Variants in TLN2 observed in about 807,000 individuals in gnomAD.
TLN2 encodes the protein talin-2.
TLN2 carries 118 observed loss-of-function variants against 294.7 expected under a neutral mutation model. That is an observed-to-expected ratio of 0.40 (90% CI 0.34 to 0.47). The LOEUF is 0.47. TLN2 is among the 20% of genes least tolerant of loss of function. The probability of loss-of-function intolerance (pLI) is 0.84; values close to 1 mark genes in which losing one functional copy is unlikely to be tolerated. For missense variants in TLN2, 3,083 were observed against 3,282.2 expected (o/e 0.94, Z 1.48); for synonymous variants, 1,431 against 1,304.5 (o/e 1.10, Z -2.09).
At chr15:62,535,038 G>A (rs865830637) in intron 1 of TLN2, among the ~76,000 whole-genome samples, 1 of 152,160 alleles carries the variant, frequency 6.6e-6, no homozygotes, top group African/African-American at 2.4e-5. Flanking sequence ...TGCCTTATTT[G>A]CTGCTAGGTA....
chr15:62,520,044 C>G (rs2040381188), intron 1 of TLN2, among the ~76,000 whole-genome samples: 2 of 152,160 alleles, frequency 1.3e-5, no homozygotes, highest in Admixed American at 1.3e-4. Context: ...AGGGGTTTCC[C>G]CTTATAAAAC....
At chr15:62,647,210 G>GTT in intron 3 of TLN2, 65 bp from the exon 4 acceptor site, 21 of 1,276,604 alleles carry the variant, frequency 1.6e-5, no homozygotes, top group South Asian at 4.8e-5. Flanking sequence ...CACTTTTTTT[G>GTT]TTTTTTTTTC....
rs1187438184 is a variant in TLN2, at chr15:62,770,949, T to TC, written c.5197-15_5197-14insC. ...TACATGATACATCTCTGGCTTTTTTTTTTTTTTTTGAAAGGTGACACAACT... is the reference window on the plus strand; with the variant it reads ...TACATGATACATCTCTGGCTTTTTTTCTTTTTTTTTGAAAGGTGACACAACT... On this transcript the variant is annotated splice_polypyrimidine_tract_variant and intron_variant, in intron 41 of 58. Transcript: ENST00000636159. The TC allele has an allele frequency of 1.3e-6, 2 of 1,553,546 alleles. No individual in the cohort carries two copies.
chr15:62,620,304 C>A (rs2048683490), intron 3 of TLN2, among the ~76,000 whole-genome samples: 1 of 152,038 alleles, frequency 6.6e-6, no homozygotes, highest in African/African-American at 2.4e-5. Flanking sequence ...GTCTGGTGCA[C>A]CTTTCATTTT....
chr15:62,488,159 G>A (rs898320239), intron 1 of TLN2, among the ~76,000 whole-genome samples: 1 of 152,034 alleles, frequency 6.6e-6, no homozygotes, highest in African/African-American at 2.4e-5. Context: ...TAGAGAAAAT[G>A]GTACTTTGTA....
chr15:62,819,804 C>T (rs1366621039), intron 53 of TLN2, among the ~76,000 whole-genome samples, 183 bp downstream of exon 53: 3 of 152,242 alleles, frequency 2.0e-5, no homozygotes, highest in Non-Finnish European at 4.4e-5. Context: ...AACATCCTCC[C>T]TGAAGCAAGT....
rs7182971 is a variant in TLN2, at chr15:62,783,783, G to C, written c.5629G>C (p.Val1877Leu). Residue 1877 changes from valine (V) to leucine (L), a missense_variant, in exon 45 of 59, where the codon GTT becomes CTT. Val to Leu is a conservative substitution (Grantham distance 32, BLOSUM62 1). Coordinates refer to ENST00000636159, the MANE Select transcript of TLN2 (RefSeq NM_015059.3). Reference protein sequence around the residue: ...VTAQEMMTKSVTNPEELGGLA... With the variant: ...VTAQEMMTKSLTNPEELGGLA... The stretch of plus-strand genomic sequence containing the variant: ...TTTCTTTTTCCAGATGACTAAGTCG[G>C]TTACTAACCCGGAGGAGTTGGGAGG... 1 of 1,602,674 alleles carries C rather than the reference G, an allele frequency of 6.2e-7. No individual in the cohort carries two copies. Among genetic ancestry groups the C allele is most frequent in the Non-Finnish European group, 8.5e-7 (1 of 1,170,604 alleles).
At chr15:62,675,380 A>T in intron 11 of TLN2, 59 bp downstream of exon 11, 1 of 1,567,056 alleles carries the variant, frequency 6.4e-7, no homozygotes, top group South Asian at 1.1e-5. Flanking sequence ...TCTTTTGTTC[A>T]AGCGTTTGCT....
chr15:62,772,250 C>T (rs1433556047), intron 42 of TLN2, among the ~76,000 whole-genome samples: 2 of 152,178 alleles, frequency 1.3e-5, no homozygotes, highest in Non-Finnish European at 2.9e-5. Context: ...AACCACAGCA[C>T]CCAGCTTGGA....
intron 1 of TLN2, among the ~76,000 whole-genome samples, chr15:62,518,087 A>C (rs987608368): frequency 6.6e-6 from 1 of 151,756 alleles, no homozygotes; most frequent in Non-Finnish European, 1.5e-5. Flanking sequence ...TCGCCAGGCT[A>C]GAGTACAGTG....
At position 62,647,138 on chromosome 15, in the gene TLN2, A is replaced by G. The variant is rs1237398836; in HGVS notation, c.-36-137A>G. ...TTTGTAAAATTTGTTTTGTACCTAA[A>G]GTGTACTCTTTATTTGCTGTTTTAT... On this transcript the variant is annotated intron_variant, in intron 3 of 58. Coordinates refer to ENST00000636159, the MANE Select transcript of TLN2 (RefSeq NM_015059.3). 4.8e-6 allele frequency: 4 copies of G among 833,510 alleles called. No individual in the cohort carries two copies. In the African/African-American group the frequency reaches 6.9e-5, roughly 14 times the overall value. 51.6% of individuals were successfully genotyped at this position (833,510 alleles called of 1,614,324 possible).
intron 1 of TLN2, among the ~76,000 whole-genome samples, chr15:62,509,649 T>G (rs1199960736): frequency 6.6e-6 from 1 of 152,174 alleles, no homozygotes. Context: ...TCTGGTCCCC[T>G]CCTTGTAACG....
intron 2 of TLN2, among the ~76,000 whole-genome samples, chr15:62,594,254 G>T (rs558755849): frequency 1.3e-5 from 2 of 152,310 alleles, no homozygotes; most frequent in East Asian, 3.9e-4. Flanking sequence ...TGACACCCAG[G>T]CTGGAGTGCT....
At chr15:62,493,703 C>T (rs1381433103) in intron 1 of TLN2, among the ~76,000 whole-genome samples, 3 of 151,912 alleles carry the variant, frequency 2.0e-5, no homozygotes, top group South Asian at 2.1e-4. Flanking sequence ...TTCCGCCTCC[C>T]GGGTTCAAGC....
At chr15:62,739,611 T>C (rs1595844851) in intron 31 of TLN2, 66 bp downstream of exon 31, 1 of 1,545,294 alleles carries the variant, frequency 6.5e-7, no homozygotes, top group African/African-American at 1.4e-5. Context: ...AATCCATCCT[T>C]GAGACTGACT....
chr15:62,561,911 C>T (rs537358163), intron 1 of TLN2, among the ~76,000 whole-genome samples: 1 of 152,100 alleles, frequency 6.6e-6, no homozygotes, highest in Non-Finnish European at 1.5e-5. Context: ...GCTCCCTGTC[C>T]TTTTCCTTCC....
intron 11 of TLN2, among the ~76,000 whole-genome samples, chr15:62,678,490 G>A (rs138372930): frequency 8.1e-4 from 123 of 152,296 alleles, no homozygotes; most frequent in African/African-American, 2.8e-3. Flanking sequence ...AGGTTCATGA[G>A]TATCAAACCT....
intron 2 of TLN2, among the ~76,000 whole-genome samples, chr15:62,591,898 C>G (rs2046106552): frequency 6.6e-6 from 1 of 152,132 alleles, no homozygotes. Flanking sequence ...GGATATTGTC[C>G]TTTGAGGACC....
At position 62,722,349 on chromosome 15, in the gene TLN2, A is replaced by C. The variant is rs10775181; in HGVS notation, c.2992-4A>C. The C allele has an allele frequency of 1.2e-5, 20 of 1,604,704 alleles. No individual in the cohort carries two copies. The highest frequency in any genetic ancestry group is 4.4e-5 in the South Asian group (4 of 90,208). On this transcript the variant is annotated splice_polypyrimidine_tract_variant and splice_region_variant and intron_variant, in intron 25 of 58. Transcript: ENST00000636159. ...CATCTTACTTTCTTTTCATCTCTCT[A>C]TAGCCTGGAAGCAAGATGGTGTCCT...
Sources: gnomAD v4.1 joint callset for allele counts (sites outside exome capture counted in the v4.1 genomes callset) on GRCh38, gnomAD v4.1.1 for gene constraint, MANE v1.5 for transcripts, NCBI Gene and HGNC (gene_info 2026-07-23, HGNC 2026-07-21) for gene names.